Variants in OPCML observed in about 807,000 individuals in gnomAD.
OPCML encodes the protein opioid-binding protein/cell adhesion molecule.
In OPCML, 13 loss-of-function variants were observed where a neutral mutation model predicts 37.8. The observed-to-expected ratio is 0.34, with a 90% confidence interval of 0.22 to 0.55. The LOEUF (loss-of-function observed/expected upper bound fraction) is 0.55, where lower values mean the gene tolerates loss of function less well. Among genes scored for constraint, OPCML ranks in the 20% least tolerant of loss-of-function variants. The pLI is 0.91. For synonymous variants in OPCML, 176 were observed against 168.8 expected, an observed-to-expected ratio of 1.04 and a Z score of -0.33; for missense variants, 341 against 435.6, an observed-to-expected ratio of 0.78 and a Z score of 1.93.
At chr11:132,786,566 T>A (rs1947218486) in intron 2 of OPCML, among the ~76,000 whole-genome samples, 1 of 152,188 alleles carries the variant, frequency 6.6e-6, no homozygotes, top group Non-Finnish European at 1.5e-5. Flanking sequence ...TTTTTTTGCC[T>A]CTTAGGAATA....
intron 1 of OPCML, among the ~76,000 whole-genome samples, chr11:133,075,495 C>T (rs1010170403): frequency 6.6e-6 from 1 of 152,164 alleles, no homozygotes; most frequent in Admixed American, 6.5e-5. Flanking sequence ...TGCCGGGAAG[C>T]AGTTCGACAC....
intron 1 of OPCML, among the ~76,000 whole-genome samples, chr11:133,287,503 A>G (rs10894667): frequency 0.3 from 44,233 of 147,246 alleles, 8,194 homozygotes; most frequent in East Asian, 0.75. Context: ...CAGTAACTAC[A>G]GATATTGACT....
At chr11:132,681,355 G>A (rs1942933905) in intron 2 of OPCML, among the ~76,000 whole-genome samples, 1 of 152,220 alleles carries the variant, frequency 6.6e-6, no homozygotes, top group African/African-American at 2.4e-5. Flanking sequence ...GACTGGCAGA[G>A]AGCAGAGAAG....
intron 4 of OPCML, among the ~76,000 whole-genome samples, chr11:132,457,169 G>A (rs182982315): frequency 2.8e-4 from 43 of 152,296 alleles, no homozygotes; most frequent in African/African-American, 7.9e-4. Context: ...CAGAGGTACC[G>A]TGTCACGAAG....
chr11:132,803,068 T>C (rs865904698), intron 2 of OPCML, among the ~76,000 whole-genome samples: 1 of 152,178 alleles, frequency 6.6e-6, no homozygotes, highest in Non-Finnish European at 1.5e-5. Flanking sequence ...TGGAATGGTT[T>C]AATCCTGGAC....
intron 4 of OPCML, among the ~76,000 whole-genome samples, chr11:132,504,207 C>A (rs79759941): frequency 4.6e-5 from 7 of 152,078 alleles, no homozygotes; most frequent in African/African-American, 1.7e-4. Flanking sequence ...CAAATCATGG[C>A]ATGCCTTATC....
At chr11:132,890,345 A>G (rs530012123) in intron 2 of OPCML, among the ~76,000 whole-genome samples, 1 of 152,340 alleles carries the variant, frequency 6.6e-6, no homozygotes, top group Non-Finnish European at 1.5e-5. Context: ...CCAACATATG[A>G]AAAATCCATT....
intron 2 of OPCML, among the ~76,000 whole-genome samples, chr11:132,891,599 C>T (rs764475147): frequency 3.2e-4 from 49 of 152,038 alleles, no homozygotes; most frequent in South Asian, 2.1e-4. Flanking sequence ...AGAATATCAA[C>T]GCCATGAGAG....
intron 1 of OPCML, among the ~76,000 whole-genome samples, chr11:133,291,410 G>A (rs1942469565): frequency 6.6e-6 from 1 of 151,784 alleles, no homozygotes; most frequent in African/African-American, 2.4e-5. Context: ...GCCATGGACT[G>A]CCAAGGAAAT....
intron 1 of OPCML, among the ~76,000 whole-genome samples, chr11:133,367,313 C>T (rs1944565236): frequency 1.3e-5 from 2 of 152,182 alleles, no homozygotes; most frequent in Admixed American, 1.3e-4. Context: ...TCGCTAAAGA[C>T]ATGGCTGCAT....
chr11:133,414,165 G>C (rs1034809993), intron 1 of OPCML, among the ~76,000 whole-genome samples: 10 of 152,112 alleles, frequency 6.6e-5, no homozygotes, highest in Non-Finnish European at 1.3e-4. Flanking sequence ...GCGCTGGAAC[G>C]AGCACGTCAG....
intron 7 of OPCML, among the ~76,000 whole-genome samples, chr11:132,431,810 C>T (rs572168900): frequency 1.3e-5 from 2 of 152,292 alleles, no homozygotes; most frequent in African/African-American, 4.8e-5. Context: ...AAAGAGGGCT[C>T]TCAGAAAACA....
intron 1 of OPCML, among the ~76,000 whole-genome samples, chr11:133,165,273 C>T (rs1950194737): frequency 6.6e-6 from 1 of 152,140 alleles, no homozygotes; most frequent in African/African-American, 2.4e-5. Flanking sequence ...AGCTGAGGTG[C>T]TGAGGCTGTG....
chr11:133,190,269 G>A (rs1938248082), intron 1 of OPCML, among the ~76,000 whole-genome samples: 1 of 152,194 alleles, frequency 6.6e-6, no homozygotes, highest in African/African-American at 2.4e-5. Flanking sequence ...TTGCAAGGCA[G>A]TATGTGCAAG....
At chr11:132,735,734 C>T (rs559329598) in intron 2 of OPCML, among the ~76,000 whole-genome samples, 5 of 152,264 alleles carry the variant, frequency 3.3e-5, no homozygotes, top group South Asian at 2.1e-4. Context: ...CCGCCTGCCT[C>T]GGCCTCCCAA....
At chr11:132,712,507 C>T (rs1176839911) in intron 2 of OPCML, among the ~76,000 whole-genome samples, 3 of 152,202 alleles carry the variant, frequency 2.0e-5, no homozygotes, top group South Asian at 4.1e-4. Flanking sequence ...TTTAGCCGTA[C>T]AGTCTAATAA....
At chr11:132,439,712 TC>T (rs370381477) in intron 4 of OPCML, among the ~76,000 whole-genome samples, 6,054 of 150,020 alleles carry the variant, frequency 0.04, 314 homozygotes, top group African/African-American at 0.12. Context: ...TTTTTTTTTT[TC>T]CTGAAAGAAA....
intron 2 of OPCML, among the ~76,000 whole-genome samples, chr11:132,804,040 C>T (rs1938847618): frequency 6.6e-6 from 1 of 152,110 alleles, no homozygotes; most frequent in Non-Finnish European, 1.5e-5. Context: ...TTGGAATAGA[C>T]CTTGGCCATA....
intron 4 of OPCML, among the ~76,000 whole-genome samples, chr11:132,462,632 A>C (rs2096106390): frequency 6.6e-6 from 1 of 152,248 alleles, no homozygotes. Flanking sequence ...GCCATAAGAC[A>C]TACAGAAATG....
Sources: gnomAD v4.1 joint callset for allele counts (sites outside exome capture counted in the v4.1 genomes callset) on GRCh38, gnomAD v4.1.1 for gene constraint, MANE v1.5 for transcripts, NCBI Gene and HGNC (gene_info 2026-07-23, HGNC 2026-07-21) for gene names.